Variants in ZNF609 observed in about 807,000 individuals in gnomAD.
ZNF609 encodes the protein zinc finger protein 609.
Under a neutral mutation model 109.5 loss-of-function variants are expected in ZNF609, and 11 were observed. The ratio of observed to expected loss-of-function variants is 0.10; its 90% CI spans 0.06 to 0.17. ZNF609 has a LOEUF of 0.17. ZNF609 is among the 10% of genes least tolerant of loss of function. The probability of loss-of-function intolerance (pLI) is 1.00; values close to 1 mark genes in which losing one functional copy is unlikely to be tolerated. For synonymous variants in ZNF609, 646 were observed against 662.0 expected (o/e 0.98, Z 0.37); for missense variants, 1,559 against 1,772.4 (o/e 0.88, Z 2.16).
intron 1 of ZNF609, among the ~76,000 whole-genome samples, chr15:64,461,887 C>T (rs1273209025): frequency 6.6e-6 from 1 of 152,144 alleles, no homozygotes; most frequent in African/African-American, 2.4e-5. Flanking sequence ...TTCACCCCTG[C>T]TGCTTTGTCT....
In ZNF609 at chr15:64,535,956, CT is replaced by C. The variant is rs767045814; in HGVS notation, c.747+35799del. Among the ~76,000 whole-genome samples the C allele has an allele frequency of 3.2e-3, 481 of 149,976 alleles. 1 individual carries two copies. Among genetic ancestry groups the C allele is most frequent in the Non-Finnish European group, 5.2e-3 (353 of 67,332 alleles). On this transcript the variant is annotated intron_variant, in intron 2 of 9. Coordinates refer to ENST00000326648, the MANE Select transcript of ZNF609 (RefSeq NM_015042.2). ...CATCTGGATGTCTTTTGCCCACTTT[CT>C]TTTTTTTTCATTTTTATTATTTTCA...
intron 2 of ZNF609, among the ~76,000 whole-genome samples, chr15:64,581,182 C>G (rs1895098672): frequency 1.3e-5 from 2 of 151,974 alleles, no homozygotes; most frequent in South Asian, 4.1e-4. Flanking sequence ...TGTCACCATC[C>G]TGGCCTAGCC....
chr15:64,661,428 G>A (rs1467120889), intron 3 of ZNF609, among the ~76,000 whole-genome samples: 6 of 152,170 alleles, frequency 3.9e-5, no homozygotes, highest in Non-Finnish European at 8.8e-5. Flanking sequence ...ATAATAGAAT[G>A]AATGAAAGCA....
At chr15:64,665,124 G>T (rs67927052) in intron 3 of ZNF609, among the ~76,000 whole-genome samples, 19,806 of 152,176 alleles carry the variant, frequency 0.13, 2,062 homozygotes, top group African/African-American at 0.29. Flanking sequence ...CTTTAGGAGA[G>T]ATGCCATTTC....
chr15:64,504,266 A>AAGATTATCTTGTCC (rs1893599130), intron 2 of ZNF609, among the ~76,000 whole-genome samples: 1 of 152,320 alleles, frequency 6.6e-6, no homozygotes, highest in East Asian at 1.9e-4. Flanking sequence ...GTTCCAGAGA[A>AAGATTATCTTGTCC]AGATTATCTT....
chr15:64,563,609 C>T (rs535427466), intron 2 of ZNF609, among the ~76,000 whole-genome samples: 1 of 151,762 alleles, frequency 6.6e-6, no homozygotes, highest in African/African-American at 2.4e-5. Flanking sequence ...GAAACCCTGT[C>T]TCTATGAAAA....
rs548688148 is a variant in ZNF609 at position 64,600,019 on chromosome 15, C to G, written c.748-22808C>G. 3.9e-5 allele frequency among the ~76,000 whole-genome samples: 6 copies of G among 152,266 alleles called. No individual in the cohort carries two copies. The East Asian group carries it at 7.7e-4, about 20-fold the overall frequency. On this transcript the variant is annotated intron_variant, in intron 2 of 9. Transcript: ENST00000326648. ...TATGATTATTTGTTTGCCAATTAAT[C>G]TAATCTAAAATGAAACTTCGTGGCC...
chr15:64,590,768 A>G (rs911493663), intron 2 of ZNF609, among the ~76,000 whole-genome samples: 1 of 152,028 alleles, frequency 6.6e-6, no homozygotes, highest in Admixed American at 6.6e-5. Flanking sequence ...CCTCCTTAAG[A>G]TAAGAGCAGT....
chr15:64,534,013 CT>C (rs530096798), intron 2 of ZNF609, among the ~76,000 whole-genome samples: 13,191 of 142,270 alleles, frequency 0.093, 633 homozygotes, highest in African/African-American at 0.16. Flanking sequence ...TGTTATTAAC[CT>C]TTTTTTTTTT....
intron 1 of ZNF609, among the ~76,000 whole-genome samples, chr15:64,490,558 G>T (rs1893399951): frequency 1.3e-5 from 2 of 152,148 alleles, no homozygotes; most frequent in Admixed American, 6.6e-5. Context: ...ACAGGCATGA[G>T]CCACCGTGCC....
At chr15:64,469,427 C>CA (rs34210041) in intron 1 of ZNF609, among the ~76,000 whole-genome samples, 2,917 of 72,896 alleles carry the variant, frequency 0.04, 41 homozygotes, top group South Asian at 0.056. Context: ...ACCCTATTTC[C>CA]AAAAAAAAAA....
intron 2 of ZNF609, among the ~76,000 whole-genome samples, chr15:64,518,471 G>A (rs1175903531): frequency 6.6e-6 from 1 of 152,194 alleles, no homozygotes; most frequent in East Asian, 1.9e-4. Context: ...ATAGTAGAAG[G>A]CCTTAAAAGC....
At chr15:64,630,098 C>CTTTTTTT (rs773124227) in intron 3 of ZNF609, among the ~76,000 whole-genome samples, 53 of 136,872 alleles carry the variant, frequency 3.9e-4, no homozygotes, top group Non-Finnish European at 5.2e-4. Flanking sequence ...TTTCTTTTTT[C>CTTTTTTT]TTTTTTTTTT....
At chr15:64,473,709 G>A (rs1233567696) in intron 1 of ZNF609, among the ~76,000 whole-genome samples, 3 of 151,834 alleles carry the variant, frequency 2.0e-5, no homozygotes, top group Admixed American at 6.6e-5. Flanking sequence ...GGGTTCAAGC[G>A]ATTCTCCTGT....
intron 1 of ZNF609, among the ~76,000 whole-genome samples, chr15:64,491,975 C>T (rs939682524): frequency 2.0e-5 from 3 of 152,170 alleles, no homozygotes; most frequent in African/African-American, 7.2e-5. Context: ...GGCGTGGTGG[C>T]TCATGCCTGT....
At chr15:64,624,219 G>A (rs1035732656) in intron 3 of ZNF609, among the ~76,000 whole-genome samples, 1 of 152,162 alleles carries the variant, frequency 6.6e-6, no homozygotes. Context: ...AGGTTTTATT[G>A]TGTGCCTGAG....
At chr15:64,491,662 C>A (rs944580325) in intron 1 of ZNF609, among the ~76,000 whole-genome samples, 1 of 151,648 alleles carries the variant, frequency 6.6e-6, no homozygotes, top group Non-Finnish European at 1.5e-5. Context: ...GCTTGGCCAA[C>A]GTGGTGAAAC....
intron 2 of ZNF609, among the ~76,000 whole-genome samples, chr15:64,516,428 A>G (rs924039714): frequency 3.9e-5 from 6 of 151,956 alleles, no homozygotes; most frequent in African/African-American, 1.5e-4. Context: ...CTGGAGTGCA[A>G]TGGCACGATC....
chr15:64,654,188 C>T (rs750168862), intron 3 of ZNF609: 2 of 152,122 alleles, frequency 1.3e-5, no homozygotes, highest in African/African-American at 2.4e-5. Flanking sequence ...TACAGTGCGT[C>T]ACCATGCCCG....
Sources: gnomAD v4.1 joint callset for allele counts (sites outside exome capture counted in the v4.1 genomes callset) on GRCh38, gnomAD v4.1.1 for gene constraint, MANE v1.5 for transcripts, NCBI Gene and HGNC (gene_info 2026-07-23, HGNC 2026-07-21) for gene names.